Variants in ROBO2 observed in about 807,000 individuals in gnomAD.
ROBO2 encodes roundabout homolog 2.
Under a neutral mutation model 160.8 loss-of-function variants are expected in ROBO2, and 53 were observed. The observed-to-expected ratio is 0.33, with a 90% CI of 0.26 to 0.41. The LOEUF (loss-of-function observed/expected upper bound fraction) is 0.41. ROBO2 is among the 10% of genes least tolerant of loss of function. The probability of loss-of-function intolerance (pLI) is 1.00; values close to 1 mark genes in which losing one functional copy is unlikely to be tolerated. For missense variants in ROBO2, 1,577 were observed against 1,722.4 expected (o/e 0.92, Z 1.49); for synonymous variants, 664 against 611.7 (o/e 1.09, Z -1.26).
chr3:76,761,393 C>G (rs1172738189), intron 2 of ROBO2, among the ~76,000 whole-genome samples: 2 of 151,598 alleles, frequency 1.3e-5, no homozygotes, highest in African/African-American at 4.8e-5. Flanking sequence ...TGCGAGAGTC[C>G]CAGTTTAAGT....
chr3:77,279,301 T>C (rs2060094715), intron 2 of ROBO2, among the ~76,000 whole-genome samples: 1 of 152,108 alleles, frequency 6.6e-6, no homozygotes, highest in African/African-American at 2.4e-5. Flanking sequence ...ACCTTTTCTT[T>C]TGAAAATTTT....
intron 2 of ROBO2, among the ~76,000 whole-genome samples, chr3:76,884,767 A>G (rs1161276272): frequency 6.6e-6 from 1 of 152,120 alleles, no homozygotes; most frequent in Non-Finnish European, 1.5e-5. Context: ...TTTAATGTGA[A>G]TGCATTGGAA....
chr3:77,025,364 G>A (rs185347062), intron 2 of ROBO2, among the ~76,000 whole-genome samples: 102 of 152,228 alleles, frequency 6.7e-4, no homozygotes, highest in African/African-American at 2.4e-3. Context: ...AATAGACTAT[G>A]TCCCAAGTGG....
At chr3:76,880,997 G>T (rs964785640) in intron 2 of ROBO2, among the ~76,000 whole-genome samples, 2 of 152,050 alleles carry the variant, frequency 1.3e-5, no homozygotes, top group African/African-American at 4.8e-5. Context: ...TTAACCTGCA[G>T]GTGTCTCTAA....
intron 2 of ROBO2, among the ~76,000 whole-genome samples, chr3:76,786,076 A>G (rs1383470882): frequency 2.0e-5 from 3 of 151,226 alleles, no homozygotes; most frequent in Non-Finnish European, 4.4e-5. Flanking sequence ...AAACCCATAT[A>G]TCATATGGAT....
chr3:77,159,818 T>A (rs2078329786), intron 2 of ROBO2, among the ~76,000 whole-genome samples: 1 of 152,152 alleles, frequency 6.6e-6, no homozygotes, highest in South Asian at 2.1e-4. Flanking sequence ...CCTACTTGTG[T>A]GCAGCTGAAA....
chr3:76,663,587 C>T (rs1183615370), intron 2 of ROBO2, among the ~76,000 whole-genome samples: 1 of 151,878 alleles, frequency 6.6e-6, no homozygotes, highest in Non-Finnish European at 1.5e-5. Flanking sequence ...AACATATGGC[C>T]GAATAAATAA....
intron 2 of ROBO2, among the ~76,000 whole-genome samples, chr3:77,401,263 T>TTAA (rs1553938229): frequency 4.7e-4 from 69 of 147,718 alleles, no homozygotes; most frequent in African/African-American, 1.1e-3. Flanking sequence ...TGTTTGTATT[T>TTAA]AAAAAAAAAA....
chr3:76,990,789 T>C (rs757884471), intron 2 of ROBO2, among the ~76,000 whole-genome samples: 3 of 152,124 alleles, frequency 2.0e-5, no homozygotes, highest in Non-Finnish European at 2.9e-5. Context: ...CAAGCATGCA[T>C]ATCAAGAGGC....
chr3:76,680,792 T>C (rs183544444), intron 2 of ROBO2, among the ~76,000 whole-genome samples: 1 of 152,280 alleles, frequency 6.6e-6, no homozygotes, highest in Admixed American at 6.5e-5. Context: ...TTTTATATTT[T>C]TGAGACAGGG....
chr3:77,448,423 C>T (rs1376998326), intron 2 of ROBO2, among the ~76,000 whole-genome samples: 2 of 152,112 alleles, frequency 1.3e-5, no homozygotes, highest in African/African-American at 2.4e-5. Context: ...AATCAGTGTC[C>T]CCAGGTAAGA....
chr3:76,985,310 C>T (rs1415972703), intron 2 of ROBO2, among the ~76,000 whole-genome samples: 2 of 151,862 alleles, frequency 1.3e-5, no homozygotes, highest in Admixed American at 6.6e-5. Context: ...TGGCCGGGCA[C>T]GGTGGCTCAC....
At chr3:76,230,416 T>G (rs1057461108) in intron 2 of ROBO2, among the ~76,000 whole-genome samples, 2 of 152,164 alleles carry the variant, frequency 1.3e-5, no homozygotes, top group African/African-American at 4.8e-5. Context: ...ATTGTCAAAT[T>G]AACAACTGCT....
At chr3:76,736,534 A>G (rs560502673) in intron 2 of ROBO2, among the ~76,000 whole-genome samples, 10 of 152,328 alleles carry the variant, frequency 6.6e-5, no homozygotes, top group East Asian at 1.9e-4. Context: ...TTTTTCACCA[A>G]TAAATGTTTT....
chr3:76,432,110 T>A (rs900355969), intron 2 of ROBO2, among the ~76,000 whole-genome samples: 14 of 152,160 alleles, frequency 9.2e-5, no homozygotes, highest in Non-Finnish European at 4.4e-5. Flanking sequence ...TACAAAGTTG[T>A]ATGTTTACAA....
chr3:77,052,225 C>A (rs1299701971), intron 1 of ROBO2, among the ~76,000 whole-genome samples: 1 of 152,134 alleles, frequency 6.6e-6, no homozygotes, highest in Non-Finnish European at 1.5e-5. Context: ...TCCAATATGT[C>A]CACTTTGCTC....
At position 77,425,412 on chromosome 3, in the gene ROBO2, G is replaced by A. The variant is rs534384803; in HGVS notation, c.389-52002G>A. On this transcript the variant is annotated intron_variant, in intron 2 of 25. Coordinates refer to ENST00000461745, the Ensembl canonical transcript of ROBO2. ...TAGCTTGAGATGGTGTCCTCTTTTGGAGGTGGCCAAAGATGTTCTTTCTAA... is the reference window on the plus strand; with the variant it reads ...TAGCTTGAGATGGTGTCCTCTTTTGAAGGTGGCCAAAGATGTTCTTTCTAA... Among the ~76,000 whole-genome samples, 3 of 152,282 alleles carry A rather than the reference G, an allele frequency of 2.0e-5. No individual in the cohort carries two copies. The South Asian group carries it at 6.2e-4, about 32-fold the overall frequency.
At chr3:76,063,306 C>A (rs758390203) in intron 2 of ROBO2, among the ~76,000 whole-genome samples, 1 of 150,196 alleles carries the variant, frequency 6.7e-6, no homozygotes, top group Non-Finnish European at 1.5e-5. Flanking sequence ...AGAGCATAGG[C>A]GTTGCTCTAA....
intron 2 of ROBO2, among the ~76,000 whole-genome samples, chr3:77,372,965 AC>A (rs1240580947): frequency 2.0e-5 from 3 of 151,738 alleles, no homozygotes; most frequent in Non-Finnish European, 4.4e-5. Context: ...CTCTCTGTTT[AC>A]ATATGGGTGG....
Sources: allele counts gnomAD v4.1 joint callset (sites outside exome capture counted in the v4.1 genomes callset), GRCh38; gene constraint gnomAD v4.1.1; transcripts MANE v1.5; gene names NCBI Gene and HGNC (gene_info 2026-07-23, HGNC 2026-07-21).